Variants in MXD1 observed in about 807,000 individuals in gnomAD.
The protein encoded by MXD1 is MAX dimerization protein 1.
In MXD1, 9 loss-of-function variants were observed where a neutral mutation model predicts 25.7. The ratio of observed to expected loss-of-function variants is 0.35; its 90% CI spans 0.21 to 0.61. The LOEUF is 0.61. Ranked by LOEUF, MXD1 falls within the 20% of genes least tolerant of loss-of-function variation. The pLI, the probability that MXD1 is intolerant of heterozygous loss-of-function variation, is 0.75. For missense variants in MXD1, 227 were observed against 292.4 expected, an observed-to-expected ratio of 0.78 and a Z score of 1.63; for synonymous variants, 99 against 113.9, an observed-to-expected ratio of 0.87 and a Z score of 0.83.
At chr2:69,921,560 T>C (rs1677064274) in intron 2 of MXD1, among the ~76,000 whole-genome samples, 176 bp from the exon 3 acceptor site, 1 of 152,252 alleles carries the variant, frequency 6.6e-6, no homozygotes. Flanking sequence ...AGGATTTACA[T>C]TTATCTAACT....
At position 69,941,482 on chromosome 2, in the gene MXD1, C is replaced by T. The variant is rs530158110; in HGVS notation, c.*3198C>T. On this transcript the variant is annotated 3_prime_UTR_variant, in exon 6 of 6. Coordinates refer to ENST00000264444, the MANE Select transcript of MXD1 (RefSeq NM_002357.4). ...TTTTTAGGCAGGACCTAGATTTTCC[C>T]TGTCAACCTAAGATGAAAATAATTT... The T allele has an allele frequency of 6.6e-6, 1 of 152,330 alleles. No individual in the cohort carries two copies. Among genetic ancestry groups the T allele is most frequent in the African/African-American group, 2.4e-5 (1 of 41,556 alleles). The allele number at this position is 152,330 out of a possible 1,614,324, so 9.4% of individuals were successfully genotyped here.
At chr2:69,923,456 G>T (rs1266197532) in intron 3 of MXD1, among the ~76,000 whole-genome samples, 3 of 152,208 alleles carry the variant, frequency 2.0e-5, no homozygotes, top group Non-Finnish European at 4.4e-5. Context: ...TGAAAAAGGA[G>T]CCTGACTCTG....
intron 3 of MXD1, among the ~76,000 whole-genome samples, chr2:69,929,555 G>A (rs1415809236): frequency 6.6e-6 from 1 of 152,170 alleles, no homozygotes; most frequent in Non-Finnish European, 1.5e-5. Flanking sequence ...GGTAGGAGCT[G>A]GTGCCTCAAA....
chr2:69,929,406 C>T (rs1245814017), intron 3 of MXD1, among the ~76,000 whole-genome samples: 2 of 152,178 alleles, frequency 1.3e-5, no homozygotes, highest in Non-Finnish European at 2.9e-5. Context: ...TGAATCTATT[C>T]CCCAATTTGC....
At position 69,942,840 on chromosome 2, in the gene MXD1, T is replaced by TTCTAAAAAAGTA. The variant is rs1349739603; in HGVS notation, c.*4556_*4557insTCTAAAAAAGTA. ...GGTGCTTTTTACTACAGTTAGCACA[T>TTCTAAAAAAGTA]GCATTTTTAGAAACTACTACATGTT... On this transcript the variant is annotated 3_prime_UTR_variant, in exon 6 of 6. Transcript: ENST00000264444. The TTCTAAAAAAGTA allele has an allele frequency of 9.8e-4, 149 of 152,352 alleles. No individual in the cohort carries two copies. The highest frequency in any genetic ancestry group is 3.3e-3 in the African/African-American group (139 of 41,580). 9.4% of individuals were successfully genotyped at this position (152,352 alleles called of 1,614,324 possible).
intron 3 of MXD1, among the ~76,000 whole-genome samples, chr2:69,926,089 ATCTTTT>A (rs1309642890): frequency 6.6e-6 from 1 of 152,194 alleles, no homozygotes; most frequent in Non-Finnish European, 1.5e-5. Flanking sequence ...TAAAGAATTT[ATCTTTT>A]TCTTTATTTT....
At chr2:69,922,100 A>T (rs1406172903) in intron 3 of MXD1, among the ~76,000 whole-genome samples, 2 of 152,258 alleles carry the variant, frequency 1.3e-5, no homozygotes. Context: ...TATCATTGGC[A>T]GTGTTATCTA....
Position 69,940,434 on chromosome 2 carries a change from A to C in MXD1, c.*2150A>C, listed in dbSNP as rs1187617117. The C allele has an allele frequency of 2.0e-5, 3 of 152,616 alleles. No homozygotes were observed. In the East Asian group the frequency reaches 5.8e-4, roughly 29 times the overall value. 9.5% of individuals were successfully genotyped at this position (152,616 alleles called of 1,614,324 possible). ...CAATGCGGGACAGCATCAAAAGCTC[A>C]AGACTTTGGAAAAAGCTTGTGGGCT... On this transcript the variant is annotated 3_prime_UTR_variant, in exon 6 of 6. Coordinates refer to ENST00000264444, the MANE Select transcript of MXD1 (RefSeq NM_002357.4).
chr2:69,934,475 G>A (rs1052830792), intron 3 of MXD1, among the ~76,000 whole-genome samples: 5 of 152,058 alleles, frequency 3.3e-5, no homozygotes, highest in Admixed American at 6.6e-5. Flanking sequence ...CTCCCACTCC[G>A]TGCCATTGCA....
At chr2:69,923,078 A>G (rs1469269046) in intron 3 of MXD1, among the ~76,000 whole-genome samples, 1 of 151,398 alleles carries the variant, frequency 6.6e-6, no homozygotes, top group African/African-American at 2.4e-5. Flanking sequence ...CCAAAACAAC[A>G]ACAAAAAAAA....
rs996402787 is a variant in MXD1, at chr2:69,938,344, C to T, written c.*60C>T. On this transcript the variant is annotated 3_prime_UTR_variant, in exon 6 of 6. Coordinates refer to ENST00000264444, the MANE Select transcript of MXD1 (RefSeq NM_002357.4). ...CTCCCTGTTGGTTCTGATTAGGTAA[C>T]GTATTGGACCTGCCCACAACTCCCT... 5.5e-5 allele frequency: 84 copies of T among 1,540,490 alleles called. No individual in the cohort carries two copies. The highest frequency in any genetic ancestry group is 2.2e-4 in the African/African-American group (16 of 73,478).
chr2:69,933,832 A>C (rs970814740), intron 3 of MXD1, among the ~76,000 whole-genome samples: 1 of 152,218 alleles, frequency 6.6e-6, no homozygotes, highest in African/African-American at 2.4e-5. Context: ...AATTCTTAAG[A>C]GGAAAAAGGG....
At chr2:69,936,334 G>A (rs562989799) in intron 4 of MXD1, among the ~76,000 whole-genome samples, 2 of 152,132 alleles carry the variant, frequency 1.3e-5, no homozygotes, top group South Asian at 2.1e-4. Context: ...TACACCCCAC[G>A]AGGGAGGGGA....
At chr2:69,936,162 G>A (rs1020561715) in intron 4 of MXD1, among the ~76,000 whole-genome samples, 9 of 151,962 alleles carry the variant, frequency 5.9e-5, no homozygotes, top group African/African-American at 1.5e-4. Flanking sequence ...TCAGATCACA[G>A]TGCAAGTCTC....
At chr2:69,929,618 C>T (rs980486314) in intron 3 of MXD1, among the ~76,000 whole-genome samples, 6 of 152,154 alleles carry the variant, frequency 3.9e-5, no homozygotes, top group Admixed American at 1.3e-4. Context: ...ATTTACTTTC[C>T]GTAATTCATG....
At chr2:69,932,431 T>G (rs1173481159) in intron 3 of MXD1, among the ~76,000 whole-genome samples, 1 of 152,152 alleles carries the variant, frequency 6.6e-6, no homozygotes, top group East Asian at 1.9e-4. Flanking sequence ...CAGTGGCATG[T>G]GGGCAGGGGG....
rs950361116 is a variant in MXD1 at position 69,915,429 on chromosome 2, C to G, written c.73+26C>G. ...GTGCACGGGGACGGGGAGGGGTCCA[C>G]TCGAAACGAGGCCGGGGGTCCTGTG... is the stretch of plus-strand genomic sequence containing the variant. On this transcript the variant is annotated intron_variant, in intron 1 of 5. Coordinates refer to ENST00000264444, the MANE Select transcript of MXD1 (RefSeq NM_002357.4). The surrounding 1 kb of genome is among the most constrained non-coding windows in gnomAD (Gnocchi z 5.8). The G allele has an allele frequency of 5.5e-6, 7 of 1,265,766 alleles. No individual in the cohort carries two copies. Among genetic ancestry groups the G allele is most frequent in the African/African-American group, 3.1e-5 (2 of 64,484 alleles). 78.4% of individuals were successfully genotyped at this position (1,265,766 alleles called of 1,614,324 possible).
Position 69,938,176 on chromosome 2 carries a change from T to G in MXD1, c.558T>G (p.Ser186=). 1 of 1,614,224 alleles carries G rather than the reference T, an allele frequency of 6.2e-7. No homozygotes were observed. The highest frequency in any genetic ancestry group is 8.5e-7 in the Non-Finnish European group (1 of 1,180,036). ...LDWSSSSVSD[S]DERGSMQSLG... ...GGAGCAGCAGCAGTGTGAGCGACTCTGACGAGCGGGGCAGCATGCAGAGCC... is the reference window on the plus strand; with the variant it reads ...GGAGCAGCAGCAGTGTGAGCGACTCGGACGAGCGGGGCAGCATGCAGAGCC... Residue 186 remains serine (S), a synonymous_variant, in exon 6 of 6, where the codon TCT becomes TCG. Transcript: ENST00000264444.
intron 4 of MXD1, 56 bp from the exon 5 acceptor site, chr2:69,937,179 A>G (rs1017925306): frequency 3.7e-6 from 6 of 1,605,740 alleles, no homozygotes; most frequent in African/African-American, 2.7e-5. Flanking sequence ...TGCGGGGGCC[A>G]TTGCCCATTT....
Sources: allele counts gnomAD v4.1 joint callset (sites outside exome capture counted in the v4.1 genomes callset), GRCh38; gene constraint gnomAD v4.1.1; non-coding constraint Gnocchi (gnomAD v3.1); transcripts MANE v1.5; gene names NCBI Gene and HGNC (gene_info 2026-07-23, HGNC 2026-07-21).